SGCD: variants seen among roughly 807,000 people sequenced by gnomAD.
SGCD encodes delta-sarcoglycan.
In SGCD, 18 loss-of-function variants were observed where a neutral mutation model predicts 36.6. That is an observed-to-expected ratio of 0.49 (90% CI 0.34 to 0.73). SGCD has a LOEUF of 0.73. SGCD is among the 30% of genes least tolerant of loss of function. The probability of loss-of-function intolerance (pLI) is 0.01; values close to 1 mark genes in which losing one functional copy is unlikely to be tolerated. For missense variants in SGCD, 387 were observed against 346.7 expected, an observed-to-expected ratio of 1.12 and a Z score of -0.92; for synonymous variants, 133 against 130.6, an observed-to-expected ratio of 1.02 and a Z score of -0.12.
chr5:156,475,328 C>A (rs1173409668), intron 3 of SGCD, among the ~76,000 whole-genome samples: 1 of 152,146 alleles, frequency 6.6e-6, no homozygotes, highest in Non-Finnish European at 1.5e-5. Context: ...CCCCACAAAC[C>A]CATTTGCAAC....
chr5:156,074,932 A>T (rs764947103), intron 1 of SGCD, among the ~76,000 whole-genome samples: 6 of 152,218 alleles, frequency 3.9e-5, no homozygotes, highest in Non-Finnish European at 8.8e-5. Context: ...AATCATGTGC[A>T]CCCAGCTTCT....
the SGCD span, among the ~76,000 whole-genome samples, chr5:155,849,231 C>T: frequency 9.2e-5 from 14 of 152,082 alleles, no homozygotes; most frequent in Admixed American, 2.0e-4. Flanking sequence ...AATTTTTAGA[C>T]GCTAATGTTC....
chr5:156,360,307 G>A (rs573156917), intron 3 of SGCD, among the ~76,000 whole-genome samples: 5 of 150,666 alleles, frequency 3.3e-5, no homozygotes, highest in Non-Finnish European at 7.4e-5. Context: ...GAGTGCAATG[G>A]CACAGTCTTG....
intron 4 of SGCD, among the ~76,000 whole-genome samples, chr5:156,552,176 C>T (rs1758826254): frequency 6.6e-6 from 1 of 152,208 alleles, no homozygotes; most frequent in Non-Finnish European, 1.5e-5. Flanking sequence ...ACACACAGCA[C>T]ATGTTTCTCT....
chr5:156,672,281 C>G (rs994041752), intron 7 of SGCD, among the ~76,000 whole-genome samples: 1 of 152,170 alleles, frequency 6.6e-6, no homozygotes, highest in African/African-American at 2.4e-5. Context: ...TAGTCCAGCA[C>G]TGTTACCCTC....
intron 3 of SGCD, among the ~76,000 whole-genome samples, chr5:156,240,161 T>C (rs1765273602): frequency 6.6e-6 from 1 of 152,140 alleles, no homozygotes; most frequent in Admixed American, 6.5e-5. Context: ...TTTAGTGTAA[T>C]GTGTGGGACA....
chr5:156,651,834 A>G (rs1235061220), intron 7 of SGCD, among the ~76,000 whole-genome samples: 2 of 151,828 alleles, frequency 1.3e-5, no homozygotes, highest in Non-Finnish European at 1.5e-5. Flanking sequence ...AAAAAATAAC[A>G]TTGGTAGTTT....
the SGCD span, among the ~76,000 whole-genome samples, chr5:155,761,844 C>T: frequency 6.6e-6 from 1 of 151,760 alleles, no homozygotes; most frequent in African/African-American, 2.4e-5. Flanking sequence ...ATCATCCTCT[C>T]CATCATCATC....
chr5:155,815,657 T>A, the SGCD span, among the ~76,000 whole-genome samples: 1 of 152,112 alleles, frequency 6.6e-6, no homozygotes, highest in Non-Finnish European at 1.5e-5. Flanking sequence ...ACATCCTACA[T>A]GGCTGGATTA....
At chr5:155,747,310 G>A in the SGCD span, among the ~76,000 whole-genome samples, 1 of 152,194 alleles carries the variant, frequency 6.6e-6, no homozygotes. Context: ...ACTTTCAGAA[G>A]CAGAGGGTTT....
At chr5:156,249,589 A>G (rs919688931) in intron 3 of SGCD, among the ~76,000 whole-genome samples, 9 of 152,202 alleles carry the variant, frequency 5.9e-5, no homozygotes, top group Non-Finnish European at 1.3e-4. Flanking sequence ...AGAAGACTTT[A>G]CTTCAAGTCT....
At chr5:156,531,285 T>C (rs1757878818) in intron 4 of SGCD, among the ~76,000 whole-genome samples, 1 of 152,144 alleles carries the variant, frequency 6.6e-6, no homozygotes, top group South Asian at 2.1e-4. Flanking sequence ...ATCTTAGACT[T>C]TGTAGCCTCC....
rs1236267805 is a variant in SGCD, at chr5:156,059,711, A to C, written c.-281-58167A>C. Reference sequence around the variant, plus strand: ...GAATTTCCCCATTTGTAAAACAGAGAAACAATAATGGCACTTCACAGGTTT... The same window carrying C: ...GAATTTCCCCATTTGTAAAACAGAGCAACAATAATGGCACTTCACAGGTTT... On this transcript the variant is annotated intron_variant, in intron 1 of 9. Coordinates refer to the SGCD transcript ENST00000517913. 3.4e-5 allele frequency among the ~76,000 whole-genome samples: 5 copies of C among 146,726 alleles called. 1 individual carries two copies. Among genetic ancestry groups the C allele is most frequent in the Non-Finnish European group, 6.1e-5 (4 of 65,058 alleles).
rs563883497 is a variant in SGCD, at chr5:156,332,242, G to A, written c.3+2663G>A. Among the ~76,000 whole-genome samples the A allele has an allele frequency of 2.6e-5, 4 of 152,274 alleles. No individual in the cohort carries two copies. In the East Asian group the frequency reaches 7.7e-4, roughly 29 times the overall value. ...CGGCAACCCAAAGGCTTGGACTATA[G>A]GTACATTTTGGTTCACAAAGTGTTT... On this transcript the variant is annotated intron_variant, in intron 2 of 8. Transcript: ENST00000337851.
intron 7 of SGCD, among the ~76,000 whole-genome samples, chr5:156,714,906 T>C (rs282474): frequency 0.38 from 57,215 of 152,116 alleles, 12,481 homozygotes; most frequent in Admixed American, 0.5. Context: ...TCCCAGGCCA[T>C]TGGTGTCAGG....
intron 3 of SGCD, among the ~76,000 whole-genome samples, chr5:156,255,703 G>A (rs972332710): frequency 2.0e-5 from 3 of 152,030 alleles, no homozygotes; most frequent in Admixed American, 2.0e-4. Context: ...GTATGTTGTT[G>A]TATCTTGTTT....
intron 3 of SGCD, among the ~76,000 whole-genome samples, chr5:156,238,901 C>G (rs1765232357): frequency 6.6e-6 from 1 of 152,166 alleles, no homozygotes; most frequent in Admixed American, 6.5e-5. Flanking sequence ...ATTCCTCAAA[C>G]AGTGCTCTCC....
At chr5:156,506,155 A>T (rs1018006219) in intron 3 of SGCD, among the ~76,000 whole-genome samples, 5 of 152,208 alleles carry the variant, frequency 3.3e-5, no homozygotes, top group Admixed American at 6.5e-5. Flanking sequence ...TACAATAGTG[A>T]CATTGGTGTT....
chr5:156,584,553 C>T (rs182545146), intron 4 of SGCD, among the ~76,000 whole-genome samples: 21 of 152,238 alleles, frequency 1.4e-4, no homozygotes, highest in Admixed American at 1.2e-3. Context: ...ATGAGTGCTA[C>T]ATGCCCAGCA....
Sources: gnomAD v4.1 joint callset for allele counts (sites outside exome capture counted in the v4.1 genomes callset) on GRCh38, gnomAD v4.1.1 for gene constraint, MANE v1.5 for transcripts, NCBI Gene and HGNC (gene_info 2026-07-23, HGNC 2026-07-21) for gene names.